The following PLB1 variants were observed in gnomAD, a reference collection of about 807,000 sequenced individuals.
PLB1 encodes the protein phospholipase B1.
Under a neutral mutation model 227.4 loss-of-function variants are expected in PLB1, and 242 were observed. The observed-to-expected ratio is 1.06, with a 90% CI of 0.96 to 1.18. The LOEUF is 1.18. Ranked by LOEUF, PLB1 falls within the 50% of genes most tolerant of loss-of-function variation. The probability of loss-of-function intolerance (pLI) is 0.00; values close to 1 mark genes in which losing one functional copy is unlikely to be tolerated. For synonymous variants in PLB1, 757 were observed against 682.2 expected (o/e 1.11, Z -1.71); for missense variants, 1,858 against 1,816.3 (o/e 1.02, Z -0.42).
chr2:28,547,639 C>T (rs542601671), intron 14 of PLB1, among the ~76,000 whole-genome samples: 2 of 152,260 alleles, frequency 1.3e-5, no homozygotes, highest in East Asian at 1.9e-4. Flanking sequence ...TAGCTTCCCA[C>T]GTTCCTTGGC....
intron 34 of PLB1, 72 bp from the exon 35 acceptor site, chr2:28,598,580 C>T: frequency 8.2e-7 from 1 of 1,226,454 alleles, no homozygotes; most frequent in East Asian, 2.3e-5. Flanking sequence ...GGACCTAGGT[C>T]CCACAGTACC....
chr2:28,563,159 C>CT, intron 18 of PLB1, 60 bp downstream of exon 18: 1 of 1,518,280 alleles, frequency 6.6e-7, no homozygotes, highest in Non-Finnish European at 9.1e-7. Context: ...ATATGAGAAC[C>CT]TGGAGAGGAA....
At chr2:28,587,422 C>T (rs979714688) in intron 26 of PLB1, among the ~76,000 whole-genome samples, 3 of 152,116 alleles carry the variant, frequency 2.0e-5, no homozygotes, top group African/African-American at 7.2e-5. Flanking sequence ...TCAAGACCAG[C>T]CTGGCCAACA....
chr2:28,616,530 T>C (rs903000099), intron 44 of PLB1, among the ~76,000 whole-genome samples: 8 of 152,246 alleles, frequency 5.3e-5, no homozygotes, highest in African/African-American at 1.9e-4. Flanking sequence ...GTGTGGTGCA[T>C]GGTTCTTCCC....
rs77109533 is a variant in PLB1 at position 28,504,320 on chromosome 2, G to A, written c.55+8151G>A. Reference sequence around the variant, plus strand: ...GTCTAATTTTCTGTTAAACCTGATCGTTGAAGATTTTGAAAATTGGTGATT... The same window carrying A: ...GTCTAATTTTCTGTTAAACCTGATCATTGAAGATTTTGAAAATTGGTGATT... On this transcript the variant is annotated intron_variant, in intron 1 of 57. Transcript: ENST00000327757. Among the ~76,000 whole-genome samples the A allele has an allele frequency of 5.9e-3, 893 of 152,194 alleles. 11 individuals carry two copies. The highest frequency in any genetic ancestry group is 7.5e-3 in the Non-Finnish European group (513 of 68,006).
At chr2:28,591,627 G>A (rs1322600296) in intron 30 of PLB1, 73 bp from the exon 31 acceptor site, 1 of 1,472,154 alleles carries the variant, frequency 6.8e-7, no homozygotes, top group African/African-American at 1.4e-5. Flanking sequence ...CAAAGTTCTT[G>A]GGGTACATCT....
At chr2:28,521,376 A>G (rs920601777) in intron 4 of PLB1, among the ~76,000 whole-genome samples, 2 of 152,220 alleles carry the variant, frequency 1.3e-5, no homozygotes, top group Admixed American at 6.5e-5. Flanking sequence ...TAGTGACTGC[A>G]CTATTTTATA....
chr2:28,586,823 C>CT (rs918793241), intron 26 of PLB1, among the ~76,000 whole-genome samples: 5 of 152,318 alleles, frequency 3.3e-5, no homozygotes, highest in Admixed American at 3.3e-4. Context: ...TCTTGGCTCA[C>CT]TGCAGCCTTG....
chr2:28,592,806 G>A (rs1682202588), intron 32 of PLB1, 87 bp downstream of exon 32: 2 of 1,274,294 alleles, frequency 1.6e-6, no homozygotes, highest in Non-Finnish European at 2.2e-6. Context: ...CTGCATGCCT[G>A]TCCTCTGCCT....
intron 1 of PLB1, among the ~76,000 whole-genome samples, chr2:28,503,572 A>G (rs1667333843): frequency 6.6e-6 from 1 of 152,186 alleles, no homozygotes; most frequent in South Asian, 2.1e-4. Flanking sequence ...CAGCTTGGGA[A>G]GACTTCAGCA....
At chr2:28,628,910 C>T (rs1395497250) in intron 52 of PLB1, among the ~76,000 whole-genome samples, 184 bp from the exon 53 acceptor site, 1 of 152,204 alleles carries the variant, frequency 6.6e-6, no homozygotes, top group Admixed American at 6.5e-5. Context: ...GTCTCAGTTT[C>T]TCAACCTATA....
In PLB1 at chr2:28,626,466, C is replaced by G. The variant is rs759174197; in HGVS notation, c.3618C>G (p.Leu1206=). Residue 1206 remains leucine (L), a synonymous_variant, in exon 51 of 58, where the codon CTC becomes CTG. Coordinates refer to ENST00000327757, the MANE Select transcript of PLB1 (RefSeq NM_153021.5). ...NLEKDWKLVT[L]FIGVNDLCHY... is the part of the protein sequence containing the mutation. ...AGAAAGACTGGAAGCTGGTCACACT[C>G]TTCATTGGGGTCAACGACTTGTGTC... 3 of 1,614,094 alleles carry G rather than the reference C, an allele frequency of 1.9e-6. No individual in the cohort carries two copies. In the African/African-American group the frequency reaches 4.0e-5, roughly 22 times the overall value.
At chr2:28,545,232 A>G (rs1412590525) in intron 14 of PLB1, among the ~76,000 whole-genome samples, 1 of 130,130 alleles carries the variant, frequency 7.7e-6, no homozygotes, top group Non-Finnish European at 1.7e-5. Context: ...CTCCACACCC[A>G]TACAAGTCCG....
intron 48 of PLB1, 77 bp from the exon 49 acceptor site, chr2:28,620,802 T>C: frequency 8.9e-7 from 1 of 1,129,574 alleles, no homozygotes; most frequent in Non-Finnish European, 1.3e-6. Flanking sequence ...GTCCCCACCC[T>C]GCATGCTCAT....
chr2:28,542,159 G>A (rs1272254318), intron 13 of PLB1, among the ~76,000 whole-genome samples: 1 of 150,680 alleles, frequency 6.6e-6, no homozygotes, highest in East Asian at 1.9e-4. Flanking sequence ...AGTGTGAAGA[G>A]TGTGGTGGGG....
chr2:28,592,122 C>A (rs1399004825), intron 31 of PLB1, among the ~76,000 whole-genome samples: 2 of 152,180 alleles, frequency 1.3e-5, no homozygotes, highest in Non-Finnish European at 2.9e-5. Flanking sequence ...CTGCCGCCTA[C>A]AGTAGGGCCT....
intron 32 of PLB1, among the ~76,000 whole-genome samples, chr2:28,593,332 G>C (rs983656940): frequency 6.6e-6 from 1 of 152,232 alleles, no homozygotes; most frequent in Non-Finnish European, 1.5e-5. Context: ...CATAAAGAAC[G>C]TAGGGGCATA....
At chr2:28,563,381 CAGG>C (rs1676355086) in intron 18 of PLB1, among the ~76,000 whole-genome samples, 2 of 152,020 alleles carry the variant, frequency 1.3e-5, no homozygotes, top group Admixed American at 1.3e-4. Context: ...GTGTGGGTGA[CAGG>C]AGTGACCCAC....
At chr2:28,559,556 A>G (rs374353696) in intron 17 of PLB1, among the ~76,000 whole-genome samples, 1 of 152,140 alleles carries the variant, frequency 6.6e-6, no homozygotes, top group Non-Finnish European at 1.5e-5. Context: ...TGTCTCCATG[A>G]AAGGAGACGA....
Sources: allele counts gnomAD v4.1 joint callset (sites outside exome capture counted in the v4.1 genomes callset), GRCh38; gene constraint gnomAD v4.1.1; transcripts MANE v1.5; gene names NCBI Gene and HGNC (gene_info 2026-07-23, HGNC 2026-07-21).